SMPD4: variants seen among roughly 807,000 people sequenced by gnomAD.
SMPD4 encodes the protein neutral sphingomyelinase 3.
SMPD4 carries 58 observed loss-of-function variants against 97.8 expected under a neutral mutation model. That is an observed-to-expected ratio of 0.59 (90% CI 0.48 to 0.74). SMPD4 has a LOEUF of 0.74. Ranked by LOEUF, SMPD4 falls within the 30% of genes least tolerant of loss-of-function variation. The pLI, the probability that SMPD4 is intolerant of heterozygous loss-of-function variation, is 0.00. For missense variants in SMPD4, 853 were observed against 1,080.5 expected (o/e 0.79, Z 2.95); for synonymous variants, 388 against 450.0 (o/e 0.86, Z 1.74).
chr2:130,180,035 C>G (rs1358535114), intron 1 of SMPD4, among the ~76,000 whole-genome samples: 1 of 149,160 alleles, frequency 6.7e-6, no homozygotes, highest in African/African-American at 2.5e-5. Context: ...GCGATCTGGG[C>G]TCACTGCAAG....
intron 11 of SMPD4, chr2:130,158,023 C>T (rs1403314801): frequency 8.5e-6 from 3 of 354,640 alleles, no homozygotes; most frequent in Non-Finnish European, 1.5e-5. Flanking sequence ...ACCTATAGTC[C>T]TAATGACTCA....
chr2:130,172,548 C>G lies in SMPD4; in HGVS notation c.508-48G>C, dbSNP rs190290155. 15 of 1,612,734 alleles carry G rather than the reference C, an allele frequency of 9.3e-6. No individual in the cohort carries two copies. In the East Asian group the frequency reaches 2.9e-4, roughly 31 times the overall value. ...AGCATGGGCTCTGGACACTGCCAGG[C>G]CACCAAGCACCAACAAGTGCAGGGA... On this transcript the variant is annotated intron_variant, in intron 7 of 19. Transcript: ENST00000680298.
At position 130,153,529 on chromosome 2, in the gene SMPD4, G is replaced by A. The variant is rs1050362247; in HGVS notation, c.1894-79C>T. ...GTCTTCACCCCACCAGCCTACAACA[G>A]TGGCAACAAGGGGACCCAGCTATGA... On this transcript the variant is annotated intron_variant, in intron 17 of 19. Coordinates refer to ENST00000680298, the MANE Select transcript of SMPD4 (RefSeq NM_017951.5). The A allele has an allele frequency of 5.0e-6, 8 of 1,592,126 alleles. No individual in the cohort carries two copies. In the African/African-American group the frequency reaches 9.4e-5, roughly 19 times the overall value.
Position 130,156,558 on chromosome 2 carries a change from C to T in SMPD4, c.1188+27G>A, listed in dbSNP as rs376261793. 129 of 1,604,290 alleles carry T rather than the reference C, an allele frequency of 8.0e-5. No homozygotes were observed. In the African/African-American group the frequency reaches 9.2e-4, roughly 11 times the overall value. ...CCTCAAGGCACACAGAGGACACAGGCACACGTGTGACGGGGCCAACACTCA... is the reference window on the plus strand; with the variant it reads ...CCTCAAGGCACACAGAGGACACAGGTACACGTGTGACGGGGCCAACACTCA... On this transcript the variant is annotated intron_variant, in intron 13 of 19. Coordinates refer to ENST00000680298, the MANE Select transcript of SMPD4 (RefSeq NM_017951.5).
chr2:130,155,712 G>GC (rs1290438217), intron 14 of SMPD4, among the ~76,000 whole-genome samples: 2 of 152,024 alleles, frequency 1.3e-5, no homozygotes, highest in African/African-American at 4.8e-5. Context: ...CTTGATCACC[G>GC]CTGCTCTGTT....
chr2:130,153,651 C>T (rs753147290), intron 17 of SMPD4, 51 bp downstream of exon 17: 1 of 1,592,930 alleles, frequency 6.3e-7, no homozygotes, highest in Non-Finnish European at 8.6e-7. Context: ...GGAGTGGATC[C>T]TTCAGGGAAG....
intron 8 of SMPD4, among the ~76,000 whole-genome samples, chr2:130,167,828 G>T (rs1022308678): frequency 1.3e-5 from 2 of 152,178 alleles, no homozygotes; most frequent in African/African-American, 2.4e-5. Context: ...ACAAATCAAT[G>T]AAGGAGGGAT....
At chr2:130,181,112 T>A (rs1024962604) in intron 1 of SMPD4, among the ~76,000 whole-genome samples, 1 of 152,150 alleles carries the variant, frequency 6.6e-6, no homozygotes, top group Admixed American at 6.5e-5. Context: ...CTCCTGCCAA[T>A]TGGGCTTCGG....
Position 130,173,367 on chromosome 2 carries a change from T to C in SMPD4, c.270-13A>G. On this transcript the variant is annotated splice_polypyrimidine_tract_variant and intron_variant, in intron 4 of 19. Coordinates refer to ENST00000680298, the MANE Select transcript of SMPD4 (RefSeq NM_017951.5). Reference sequence around the variant, plus strand: ...CATCATTGGGCCACTGAACACGAAATTGAACAAACAAACAAAAACAGGGCA... The same window carrying C: ...CATCATTGGGCCACTGAACACGAAACTGAACAAACAAACAAAAACAGGGCA... 1 of 1,611,078 alleles carries C rather than the reference T, an allele frequency of 6.2e-7. No individual in the cohort carries two copies. The highest frequency in any genetic ancestry group is 2.2e-5 in the East Asian group (1 of 44,840).
intron 8 of SMPD4, among the ~76,000 whole-genome samples, chr2:130,170,877 A>C (rs776031274): frequency 6.6e-6 from 1 of 151,952 alleles, no homozygotes; most frequent in South Asian, 2.1e-4. Flanking sequence ...CCTGGCCAAC[A>C]TGGTGAAACC....
rs1319994133 is a variant in SMPD4, at chr2:130,156,102, A to G, written c.1222T>C (p.Trp408Arg). ...LEMWLSYLQPWRYAPDKQAPG... is the reference protein window; with the variant it reads ...LEMWLSYLQPRRYAPDKQAPG... ...GCCTGCTTGTCAGGCGCGTACCGCC[A>G]CGGCTGCAGGTAGCTCAGCCACATC... is the stretch of plus-strand genomic sequence containing the variant. Residue 408 changes from tryptophan to arginine, a missense_variant, in exon 14 of 20, where the codon TGG becomes CGG. Transcript: ENST00000680298. 1 of 1,611,268 alleles carries G rather than the reference A, an allele frequency of 6.2e-7. No homozygotes were observed. The highest frequency in any genetic ancestry group is 1.1e-5 in the South Asian group (1 of 91,006).
chr2:130,158,099 C>T lies in SMPD4; in HGVS notation c.952-703G>A, dbSNP rs1050244354. ...AGGCTGCAGTGAGCTAGGATCGTGC[C>T]ACTGCACTCCAGCGTGGGTGAGAGT... On this transcript the variant is annotated intron_variant, in intron 11 of 19. Coordinates refer to ENST00000680298, the MANE Select transcript of SMPD4 (RefSeq NM_017951.5). The T allele has an allele frequency of 5.6e-6, 5 of 893,984 alleles. No homozygotes were observed. In the African/African-American group the frequency reaches 8.9e-5, roughly 16 times the overall value. 55.4% of individuals were successfully genotyped at this position (893,984 alleles called of 1,614,324 possible).
intron 8 of SMPD4, among the ~76,000 whole-genome samples, chr2:130,170,458 C>CAAAAAAAAAAAAAAAAAAAAAAAAAA (rs556058599): frequency 3.1e-5 from 2 of 64,676 alleles, no homozygotes; most frequent in Non-Finnish European, 5.9e-5. Flanking sequence ...AAGACCCTGT[C>CAAAAAAAAAAAAAAAAAAAAAAAAAA]AAAAAAAAAA....
rs966573030 is a variant in SMPD4 at position 130,156,565 on chromosome 2, G to A, written c.1188+20C>T. The A allele has an allele frequency of 1.7e-5, 27 of 1,608,880 alleles. No homozygotes were observed. The highest frequency in any genetic ancestry group is 2.1e-5 in the Non-Finnish European group (25 of 1,177,030). On this transcript the variant is annotated intron_variant, in intron 13 of 19. Coordinates refer to ENST00000680298, the MANE Select transcript of SMPD4 (RefSeq NM_017951.5). Reference sequence around the variant, plus strand: ...GCACACAGAGGACACAGGCACACGTGTGACGGGGCCAACACTCACAGCTCT... The same window carrying A: ...GCACACAGAGGACACAGGCACACGTATGACGGGGCCAACACTCACAGCTCT...
Position 130,172,390 on chromosome 2 carries a change from G to C in SMPD4, c.618C>G (p.Leu206=), listed in dbSNP as rs1289091833. ...GGCTGGTCCCCCCTGGGCTGGAGGA[G>C]AGTGGTGGGGGCACACTGCCTTCGG... The part of the protein sequence containing the change: ...LPTEGSVPPP[L]SSSPGGTSPS... Residue 206 remains leucine, a synonymous_variant, in exon 8 of 20, where the codon CTC becomes CTG. Transcript: ENST00000680298. The C allele has an allele frequency of 6.2e-7, 1 of 1,610,184 alleles. No homozygotes were observed. The highest frequency in any genetic ancestry group is 1.7e-5 in the Admixed American group (1 of 59,764).
chr2:130,173,593 C>G lies in SMPD4; in HGVS notation c.190G>C (p.Val64Leu), dbSNP rs770954294. 6.2e-7 allele frequency: 1 copy of G among 1,613,744 alleles called. No individual in the cohort carries two copies. Among genetic ancestry groups the G allele is most frequent in the African/African-American group, 1.3e-5 (1 of 74,882 alleles). ...SIFGSLDGVL[V>L]GWNLRCLQGR... ...TGTAAGCAGCGGAGGTTCCAGCCAA[C>G]GAGGACACCATCTAGGCTGCCAAAA... The change falls in exon 4 of 20, where the codon GTT becomes CTT. Residue 64 changes from valine to leucine, a missense_variant. Coordinates refer to ENST00000680298, the MANE Select transcript of SMPD4 (RefSeq NM_017951.5).
chr2:130,177,999 A>G (rs1375781031), intron 1 of SMPD4, among the ~76,000 whole-genome samples: 2 of 152,186 alleles, frequency 1.3e-5, no homozygotes, highest in Non-Finnish European at 2.9e-5. Flanking sequence ...TAAGTTACAG[A>G]GTAGTCCCCA....
Position 130,164,381 on chromosome 2 carries a change from T to G in SMPD4, c.857A>C (p.His286Pro), listed in dbSNP as rs775497956. ...LEMYQKMQSP[H>P]AKLEVLHYRL... ...GAAAAACTGAAAACATACCTTGGCA[T>G]GAGGGGACTGCATTTTTTGATACAT... Residue 286 changes from histidine to proline, a missense_variant, in exon 10 of 20, where the codon CAT (histidine) becomes CCT (proline). This residue lies in a region of SMPD4 where 313 missense variants were observed against 402.2 expected (regional missense o/e 0.78). Coordinates refer to ENST00000680298, the MANE Select transcript of SMPD4 (RefSeq NM_017951.5). 3.1e-5 allele frequency: 50 copies of G among 1,613,836 alleles called. No homozygotes were observed. The highest frequency in any genetic ancestry group is 2.8e-5 in the Non-Finnish European group (33 of 1,179,868).
intron 14 of SMPD4, 136 bp downstream of exon 14, chr2:130,155,899 G>A: frequency 2.6e-6 from 2 of 764,274 alleles, no homozygotes; most frequent in Non-Finnish European, 4.3e-6. Context: ...GCAGGGGCTG[G>A]GAGAGGACTT....
Sources: allele counts gnomAD v4.1 joint callset (sites outside exome capture counted in the v4.1 genomes callset), GRCh38; gene constraint gnomAD v4.1.1; regional missense constraint gnomAD v4.1.1; transcripts MANE v1.5; gene names NCBI Gene and HGNC (gene_info 2026-07-23, HGNC 2026-07-21).